Variants in PTPRD observed in about 807,000 individuals in gnomAD.
The protein encoded by PTPRD is protein tyrosine phosphatase receptor type D, also known as receptor-type tyrosine-protein phosphatase delta.
PTPRD carries 34 observed loss-of-function variants against 214.5 expected under a neutral mutation model. That is an observed-to-expected ratio of 0.16 (90% CI 0.12 to 0.21). The LOEUF (loss-of-function observed/expected upper bound fraction) is 0.21, where lower values mean the gene tolerates loss of function less well. Ranked by LOEUF, PTPRD falls within the 10% of genes least tolerant of loss-of-function variation. The pLI, the probability that PTPRD is intolerant of heterozygous loss-of-function variation, is 1.00. For synonymous variants in PTPRD, 1,128 were observed against 845.7 expected (o/e 1.33, Z -5.79); for missense variants, 2,545 against 2,398.7 (o/e 1.06, Z -1.27).
rs139758027 is a variant in PTPRD at position 9,620,026 on chromosome 9, T to G, written c.-286-45245A>C. 2.7e-3 allele frequency among the ~76,000 whole-genome samples: 407 copies of G among 151,980 alleles called. 4 individuals are homozygous for G. The highest frequency in any genetic ancestry group is 9.3e-3 in the African/African-American group (388 of 41,516). On this transcript the variant is annotated intron_variant, in intron 7 of 45. Transcript: ENST00000381196. Reference sequence around the variant, plus strand: ...AGAGAGAGGTGGAGAGAGTTTGTTTTCAGTATGTAGAATGGGCATTGTTAA... The same window carrying G: ...AGAGAGAGGTGGAGAGAGTTTGTTTGCAGTATGTAGAATGGGCATTGTTAA...
intron 3 of PTPRD, among the ~76,000 whole-genome samples, chr9:10,306,289 G>C (rs955785605): frequency 6.6e-6 from 1 of 151,418 alleles, no homozygotes; most frequent in African/African-American, 2.4e-5. Context: ...GGGGGGGCTA[G>C]GGGAGGGATA....
intron 12 of PTPRD, among the ~76,000 whole-genome samples, chr9:8,714,355 T>TA (rs2098406543): frequency 6.6e-6 from 1 of 152,214 alleles, no homozygotes; most frequent in Non-Finnish European, 1.5e-5. Flanking sequence ...GCCTCCTTTA[T>TA]TCTGCCCTTT....
intron 2 of PTPRD, among the ~76,000 whole-genome samples, chr9:10,538,568 T>C (rs904170714): frequency 6.6e-6 from 1 of 152,136 alleles, no homozygotes; most frequent in Non-Finnish European, 1.5e-5. Flanking sequence ...TCCTACATGA[T>C]TGGTTTTCTG....
At chr9:10,054,204 G>A (rs1567350868) in intron 3 of PTPRD, among the ~76,000 whole-genome samples, 2 of 152,170 alleles carry the variant, frequency 1.3e-5, no homozygotes. Flanking sequence ...ATATTTGACA[G>A]ATATGTGGTA....
At chr9:8,774,527 CTTTTTTTTTTTTT>C (rs564318443) in intron 11 of PTPRD, among the ~76,000 whole-genome samples, 2 of 105,226 alleles carry the variant, frequency 1.9e-5, no homozygotes, top group African/African-American at 7.3e-5. Context: ...TGAAAAGTAA[CTTTTTTTTTTTTT>C]TTTTTTTTTT....
chr9:9,952,213 A>G (rs1190605030), intron 4 of PTPRD, among the ~76,000 whole-genome samples: 1 of 152,190 alleles, frequency 6.6e-6, no homozygotes, highest in Non-Finnish European at 1.5e-5. Context: ...GTAACTTTGA[A>G]GAGCTCAAAC....
chr9:9,759,089 G>C (rs1366702202), intron 6 of PTPRD, among the ~76,000 whole-genome samples: 1 of 152,048 alleles, frequency 6.6e-6, no homozygotes, highest in Non-Finnish European at 1.5e-5. Flanking sequence ...GATTTCCGTA[G>C]TAAAATAATT....
chr9:10,403,415 T>G (rs1193417929), intron 2 of PTPRD, among the ~76,000 whole-genome samples: 1 of 150,986 alleles, frequency 6.6e-6, no homozygotes, highest in Non-Finnish European at 1.5e-5. Context: ...AATTTTAAAT[T>G]TCAAATAATT....
chr9:10,040,872 T>C (rs1292607739), intron 3 of PTPRD, among the ~76,000 whole-genome samples: 1 of 152,048 alleles, frequency 6.6e-6, no homozygotes, highest in African/African-American at 2.4e-5. Context: ...TATTTGAAAA[T>C]TAGATAATCT....
intron 5 of PTPRD, among the ~76,000 whole-genome samples, chr9:9,900,188 C>G (rs1157142974): frequency 1.3e-5 from 2 of 152,150 alleles, no homozygotes; most frequent in Non-Finnish European, 2.9e-5. Flanking sequence ...CAGAATTTTC[C>G]AAATTTTTAT....
chr9:9,960,624 C>T (rs1268106138), intron 4 of PTPRD, among the ~76,000 whole-genome samples: 1 of 152,038 alleles, frequency 6.6e-6, no homozygotes, highest in Non-Finnish European at 1.5e-5. Flanking sequence ...CTCCCAACAA[C>T]CAATTATCTT....
chr9:9,817,574 G>C (rs2049168860), intron 5 of PTPRD, among the ~76,000 whole-genome samples: 1 of 152,042 alleles, frequency 6.6e-6, no homozygotes, highest in African/African-American at 2.4e-5. Flanking sequence ...TACACAGATA[G>C]GTCCATAAAA....
At chr9:9,284,037 A>G (rs140407667) in intron 9 of PTPRD, among the ~76,000 whole-genome samples, 73 of 151,832 alleles carry the variant, frequency 4.8e-4, no homozygotes, top group African/African-American at 1.7e-3. Context: ...ATTCCTTGGT[A>G]TTTTAAAGTC....
At chr9:10,607,309 A>G (rs2079688510) in intron 2 of PTPRD, among the ~76,000 whole-genome samples, 1 of 151,936 alleles carries the variant, frequency 6.6e-6, no homozygotes, top group South Asian at 2.1e-4. Flanking sequence ...CTTTGATTTA[A>G]GAACTAATTA....
At chr9:9,401,604 ATT>A (rs112089821) in intron 8 of PTPRD, among the ~76,000 whole-genome samples, 119,780 of 150,788 alleles carry the variant, frequency 0.79, 47,715 homozygotes, top group Non-Finnish European at 0.82. Context: ...GTTATATCTT[ATT>A]TTTTTTTTTT....
intron 9 of PTPRD, among the ~76,000 whole-genome samples, chr9:9,227,841 C>T (rs1389657828): frequency 6.6e-6 from 1 of 152,030 alleles, no homozygotes; most frequent in Non-Finnish European, 1.5e-5. Flanking sequence ...TGACTGTAGC[C>T]CAAGCTGAAA....
At chr9:9,180,059 G>A (rs560677479) in intron 10 of PTPRD, among the ~76,000 whole-genome samples, 13 of 151,906 alleles carry the variant, frequency 8.6e-5, no homozygotes, top group African/African-American at 3.1e-4. Flanking sequence ...CATAAGTACC[G>A]ATTGCGCCAC....
intron 2 of PTPRD, among the ~76,000 whole-genome samples, chr9:10,440,729 T>G (rs1001749789): frequency 1.3e-5 from 2 of 151,744 alleles, no homozygotes; most frequent in Admixed American, 1.3e-4. Flanking sequence ...CCAATTGTAA[T>G]AGAGTATATT....
intron 11 of PTPRD, among the ~76,000 whole-genome samples, chr9:8,844,371 T>C (rs2097642889): frequency 6.6e-6 from 1 of 152,210 alleles, no homozygotes; most frequent in Admixed American, 6.5e-5. Context: ...GTAACAGGCC[T>C]CTTAATATAT....
Sources: allele counts gnomAD v4.1 joint callset (sites outside exome capture counted in the v4.1 genomes callset), GRCh38; gene constraint gnomAD v4.1.1; transcripts MANE v1.5; gene names NCBI Gene and HGNC (gene_info 2026-07-23, HGNC 2026-07-21).